The following CTNNA3 variants were observed in gnomAD, a reference collection of about 807,000 sequenced individuals.
CTNNA3 encodes the protein catenin alpha-3.
CTNNA3 carries 76 observed loss-of-function variants against 95.7 expected under a neutral mutation model. That is an observed-to-expected ratio of 0.79 (90% CI 0.66 to 0.96). CTNNA3 has a LOEUF of 0.96. Ranked by LOEUF, CTNNA3 falls within the 40% of genes least tolerant of loss-of-function variation. The pLI, the probability that CTNNA3 is intolerant of heterozygous loss-of-function variation, is 0.00. For missense variants in CTNNA3, 1,191 were observed against 1,089.8 expected (o/e 1.09, Z -1.31); for synonymous variants, 431 against 374.4 (o/e 1.15, Z -1.74).
chr10:66,808,567 G>A (rs1403092069), intron 7 of CTNNA3, among the ~76,000 whole-genome samples: 1 of 152,102 alleles, frequency 6.6e-6, no homozygotes, highest in Non-Finnish European at 1.5e-5. Flanking sequence ...CAAAGATTCA[G>A]TTACTCAAGG....
rs530877699 is a variant in CTNNA3, at chr10:67,421,875, T to A, written c.579+99967A>T. On this transcript the variant is annotated intron_variant, in intron 5 of 17. Coordinates refer to ENST00000433211, the MANE Select transcript of CTNNA3 (RefSeq NM_013266.4). ...ATTGGTGGCATTAGAATAAACTCAT[T>A]GTTTTGAAAATATATACATAGAAAT... Among the ~76,000 whole-genome samples the A allele has an allele frequency of 1.6e-4, 25 of 152,286 alleles. No homozygotes were observed. The South Asian group carries it at 5.0e-3, about 30-fold the overall frequency.
At chr10:66,993,005 G>A (rs1340324325) in intron 7 of CTNNA3, among the ~76,000 whole-genome samples, 1 of 152,082 alleles carries the variant, frequency 6.6e-6, no homozygotes, top group East Asian at 1.9e-4. Context: ...ACAAAACAGT[G>A]GAGGTTTTCT....
chr10:66,635,099 G>C (rs989478182), intron 9 of CTNNA3, among the ~76,000 whole-genome samples: 4 of 152,084 alleles, frequency 2.6e-5, no homozygotes, highest in Non-Finnish European at 5.9e-5. Flanking sequence ...AAACCAGCTA[G>C]ATAGTTTATT....
intron 2 of CTNNA3, among the ~76,000 whole-genome samples, chr10:67,608,083 G>C (rs1564779509): frequency 6.6e-6 from 1 of 152,166 alleles, no homozygotes; most frequent in Non-Finnish European, 1.5e-5. Context: ...TCTTGACAGG[G>C]GACTTTGAGT....
chr10:67,643,240 A>G (rs1589525786), intron 2 of CTNNA3, among the ~76,000 whole-genome samples: 1 of 152,142 alleles, frequency 6.6e-6, no homozygotes, highest in African/African-American at 2.4e-5. Context: ...CAAACACCAC[A>G]TGTTCTCACT....
chr10:65,960,096 C>A (rs1353829274), intron 17 of CTNNA3, among the ~76,000 whole-genome samples: 1 of 152,174 alleles, frequency 6.6e-6, no homozygotes, highest in Non-Finnish European at 1.5e-5. Context: ...GTGCTCATAT[C>A]TTAATTTTAA....
At chr10:67,748,642 CA>C (rs1224291126) in intron 1 of CTNNA3, among the ~76,000 whole-genome samples, 1 of 152,172 alleles carries the variant, frequency 6.6e-6, no homozygotes, top group African/African-American at 2.4e-5. Context: ...CCAGCCACTG[CA>C]AAAACACACT....
chr10:66,341,733 C>T (rs1466247537), intron 12 of CTNNA3, among the ~76,000 whole-genome samples: 7 of 151,752 alleles, frequency 4.6e-5, no homozygotes, highest in African/African-American at 7.3e-5. Flanking sequence ...TATTGGTTTT[C>T]GAAGTGATGC....
intron 13 of CTNNA3, among the ~76,000 whole-genome samples, chr10:66,182,390 G>C (rs2086093726): frequency 6.6e-6 from 1 of 151,942 alleles, no homozygotes; most frequent in Admixed American, 6.6e-5. Context: ...CAAGTAGCTG[G>C]GACTACAGGC....
At position 67,376,657 on chromosome 10, in the gene CTNNA3, T is replaced by C. The variant is rs16924433; in HGVS notation, c.579+145185A>G. Among the ~76,000 whole-genome samples the C allele has an allele frequency of 0.018, 2,709 of 152,278 alleles. 209 individuals are homozygous for C. The East Asian group carries it at 0.24, about 13-fold the overall frequency. ...CTTTATGTTATGCTATGGTTAGATA[T>C]TAAGTTAGGACGTAGACAAAAGAAA... On this transcript the variant is annotated intron_variant, in intron 5 of 17. Coordinates refer to ENST00000433211, the MANE Select transcript of CTNNA3 (RefSeq NM_013266.4).
rs879293355 is a variant in CTNNA3 at position 67,465,298 on chromosome 10, T to C, written c.579+56544A>G. Among the ~76,000 whole-genome samples the C allele has an allele frequency of 2.6e-5, 4 of 152,040 alleles. No homozygotes were observed. In the South Asian group the frequency reaches 8.3e-4, roughly 32 times the overall value. On this transcript the variant is annotated intron_variant, in intron 5 of 17. Transcript: ENST00000433211. ...ACAACAAAACCATTTTCAGCCTTAA[T>C]CGCCCAACTCAAAATACCAGCTATA...
At chr10:67,198,486 G>A (rs1355445958) in intron 6 of CTNNA3, among the ~76,000 whole-genome samples, 2 of 152,174 alleles carry the variant, frequency 1.3e-5, no homozygotes, top group Admixed American at 6.5e-5. Flanking sequence ...CTAGGATATA[G>A]AGATACTGAG....
intron 7 of CTNNA3, among the ~76,000 whole-genome samples, chr10:66,900,960 T>C (rs1237904410): frequency 6.6e-6 from 1 of 152,182 alleles, no homozygotes; most frequent in African/African-American, 2.4e-5. Context: ...CTCTTCAGGA[T>C]ATTATGCAGG....
chr10:67,285,349 T>C (rs546914354), intron 5 of CTNNA3, among the ~76,000 whole-genome samples: 1 of 152,232 alleles, frequency 6.6e-6, no homozygotes, highest in Non-Finnish European at 1.5e-5. Flanking sequence ...AATAAGGAAA[T>C]AGACGGCTAG....
chr10:67,293,233 G>A (rs1839905733), intron 5 of CTNNA3, among the ~76,000 whole-genome samples: 1 of 152,034 alleles, frequency 6.6e-6, no homozygotes, highest in South Asian at 2.1e-4. Flanking sequence ...CATCTCCAAA[G>A]GTCCTCTTAG....
At chr10:67,023,826 G>A (rs967348152) in intron 7 of CTNNA3, among the ~76,000 whole-genome samples, 8 of 152,158 alleles carry the variant, frequency 5.3e-5, no homozygotes, top group African/African-American at 1.9e-4. Flanking sequence ...TAGGATACAG[G>A]AGTTTTACAA....
chr10:67,338,723 C>A (rs1842077526), intron 5 of CTNNA3, among the ~76,000 whole-genome samples: 1 of 152,146 alleles, frequency 6.6e-6, no homozygotes, highest in Admixed American at 6.5e-5. Context: ...ACTGCAGTAG[C>A]TTGCCTACAA....
chr10:66,929,121 G>A (rs145829614), intron 7 of CTNNA3, among the ~76,000 whole-genome samples: 1 of 152,320 alleles, frequency 6.6e-6, no homozygotes, highest in Non-Finnish European at 1.5e-5. Context: ...TGCAAAATGT[G>A]AGGAGATGAC....
chr10:67,131,461 T>C (rs1192092181), intron 7 of CTNNA3, among the ~76,000 whole-genome samples: 2 of 152,084 alleles, frequency 1.3e-5, no homozygotes, highest in South Asian at 2.1e-4. Context: ...ATTATTATTA[T>C]TAAAACACAT....
Sources: gnomAD v4.1 joint callset for allele counts (sites outside exome capture counted in the v4.1 genomes callset) on GRCh38, gnomAD v4.1.1 for gene constraint, MANE v1.5 for transcripts, NCBI Gene and HGNC (gene_info 2026-07-23, HGNC 2026-07-21) for gene names.